Variants in PLXNC1 observed in about 807,000 individuals in gnomAD.
The protein encoded by PLXNC1 is plexin C1.
A neutral mutation model predicts 178.2 loss-of-function variants in PLXNC1; 75 were observed. The observed-to-expected ratio is 0.42, with a 90% confidence interval of 0.35 to 0.51. The LOEUF (loss-of-function observed/expected upper bound fraction) is 0.51, where lower values mean the gene tolerates loss of function less well. PLXNC1 is among the 20% of genes least tolerant of loss of function. The pLI is 0.02. For missense variants in PLXNC1, 1,503 were observed against 1,984.4 expected, an observed-to-expected ratio of 0.76 and a Z score of 4.61; for synonymous variants, 790 against 779.9, an observed-to-expected ratio of 1.01 and a Z score of -0.22.
In PLXNC1 at chr12:94,251,448, T is replaced by C; in HGVS notation, c.2801T>C (p.Leu934Pro). ...KVRVKLGNLE[L>P]YVEQESVPST... ...CAGGTCAAGCTGGGAAACCTGGAGC[T>C]CTACGTCGAGCAGGAGTCAGTTCCT... is the stretch of plus-strand genomic sequence containing the variant. Residue 934 changes from leucine (L) to proline (P), a missense_variant, in exon 15 of 31, where the codon CTC becomes CCC. Around this residue, in one of 4 missense-constraint regions of PLXNC1, gnomAD observed 639 missense variants for 979.7 expected, o/e 0.65. Transcript: ENST00000258526. 1 of 1,612,586 alleles carries C rather than the reference T, an allele frequency of 6.2e-7. No homozygotes were observed. The highest frequency in any genetic ancestry group is 8.5e-7 in the Non-Finnish European group (1 of 1,178,498).
chr12:94,166,921 A>G (rs1173254939), intron 1 of PLXNC1, among the ~76,000 whole-genome samples: 3 of 152,070 alleles, frequency 2.0e-5, no homozygotes, highest in Non-Finnish European at 4.4e-5. Flanking sequence ...TGTGTGCCAC[A>G]CATCTGGCTG....
chr12:94,200,808 A>C (rs1232658797), intron 4 of PLXNC1, among the ~76,000 whole-genome samples: 2 of 152,228 alleles, frequency 1.3e-5, no homozygotes, highest in Non-Finnish European at 2.9e-5. Flanking sequence ...CACATGGAGC[A>C]AAGGCCACAA....
At chr12:94,296,232 C>T (rs1435898646) in intron 24 of PLXNC1, among the ~76,000 whole-genome samples, 4 of 152,190 alleles carry the variant, frequency 2.6e-5, no homozygotes, top group Admixed American at 6.5e-5. Flanking sequence ...ACAATCATGG[C>T]TCACTGAAGC....
At chr12:94,288,254 T>C (rs193048391) in intron 23 of PLXNC1, among the ~76,000 whole-genome samples, 1 of 152,350 alleles carries the variant, frequency 6.6e-6, no homozygotes, top group Admixed American at 6.5e-5. Flanking sequence ...ACTTCTACTT[T>C]AACCCTCTTT....
intron 1 of PLXNC1, among the ~76,000 whole-genome samples, chr12:94,162,533 T>C (rs1343997036): frequency 6.6e-6 from 1 of 152,100 alleles, no homozygotes; most frequent in Non-Finnish European, 1.5e-5. Context: ...TTTTAAAAGA[T>C]CACTTTGGCT....
chr12:94,237,155 G>GT (rs367962880), intron 9 of PLXNC1, among the ~76,000 whole-genome samples: 5 of 152,256 alleles, frequency 3.3e-5, no homozygotes, highest in African/African-American at 7.2e-5. Context: ...ATTTCTTGAG[G>GT]TTTTTCCCCC....
intron 9 of PLXNC1, 83 bp downstream of exon 9, chr12:94,227,318 T>TA (rs748813050): frequency 9.3e-5 from 72 of 773,646 alleles, no homozygotes; most frequent in Non-Finnish European, 1.4e-4. Context: ...TTGGGTTCCT[T>TA]AAAAAAATTC....
chr12:94,154,274 G>A (rs184453425), intron 1 of PLXNC1, among the ~76,000 whole-genome samples: 2 of 152,244 alleles, frequency 1.3e-5, no homozygotes, highest in East Asian at 1.9e-4. Context: ...TTCCATAGCT[G>A]GAAAATAGCA....
rs1968521655 is a variant in PLXNC1 at position 94,302,067 on chromosome 12, ACTGT to A, written c.4386+1013_4386+1016del. 2.0e-5 allele frequency among the ~76,000 whole-genome samples: 3 copies of A among 151,888 alleles called. No individual in the cohort carries two copies. The South Asian group carries it at 6.2e-4, about 32-fold the overall frequency. On this transcript the variant is annotated intron_variant, in intron 28 of 30. Coordinates refer to ENST00000258526, the MANE Select transcript of PLXNC1 (RefSeq NM_005761.3). The stretch of plus-strand genomic sequence containing the variant: ...CTTTCCTTCTAAACTTTTCCTTTTC[ACTGT>A]CTCTCAGGTAATCTTTCTAAAACAT...
rs552700584 is a variant in PLXNC1 at position 94,201,006 on chromosome 12, C to T, written c.1440-8584C>T. Reference sequence around the variant, plus strand: ...CAAGAATTTAGCCATTTTAAAATTTCCTTGTTAATCCAATTCAGCTACCTT... The same window carrying T: ...CAAGAATTTAGCCATTTTAAAATTTTCTTGTTAATCCAATTCAGCTACCTT... On this transcript the variant is annotated intron_variant, in intron 4 of 30. Transcript: ENST00000258526. Among the ~76,000 whole-genome samples, 425 of 152,284 alleles carry T rather than the reference C, an allele frequency of 2.8e-3. 2 individuals carry two copies. The highest frequency in any genetic ancestry group is 9.8e-3 in the African/African-American group (407 of 41,566).
At chr12:94,190,942 C>T (rs992959784) in intron 4 of PLXNC1, among the ~76,000 whole-genome samples, 2 of 152,224 alleles carry the variant, frequency 1.3e-5, no homozygotes, top group Non-Finnish European at 2.9e-5. Context: ...CCTGCCTACC[C>T]AGTCTTCAGT....
rs535568397 is a variant in PLXNC1 at position 94,269,965 on chromosome 12, C to G, written c.3597+4740C>G. Among the ~76,000 whole-genome samples, 402 of 152,318 alleles carry G rather than the reference C, an allele frequency of 2.6e-3. 3 individuals are homozygous for G. The highest frequency in any genetic ancestry group is 9.1e-3 in the African/African-American group (377 of 41,556). On this transcript the variant is annotated intron_variant, in intron 21 of 30. Coordinates refer to ENST00000258526, the MANE Select transcript of PLXNC1 (RefSeq NM_005761.3). ...TTTAAATGACTTTCCTCTTCATACA[C>G]TTTCTTCTCATGCCTGTAATCTTGG...
chr12:94,261,598 G>A (rs1321935011), intron 20 of PLXNC1, among the ~76,000 whole-genome samples: 5 of 152,148 alleles, frequency 3.3e-5, no homozygotes, highest in Non-Finnish European at 5.9e-5. Flanking sequence ...GAAAATAAGG[G>A]TGTCCTGTTG....
At chr12:94,298,365 G>C (rs1030565052) in intron 26 of PLXNC1, among the ~76,000 whole-genome samples, 3 of 152,198 alleles carry the variant, frequency 2.0e-5, no homozygotes, top group African/African-American at 7.2e-5. Context: ...AACTGCTAGA[G>C]ATTTCTGATA....
chr12:94,164,663 A>G (rs1266865165), intron 1 of PLXNC1, among the ~76,000 whole-genome samples: 11 of 990 alleles, frequency 0.011, no homozygotes, highest in African/African-American at 0.018. Flanking sequence ...GACTCCCTGC[A>G]CACACACACA....
intron 10 of PLXNC1, 70 bp from the exon 11 acceptor site, chr12:94,240,415 T>C: frequency 8.6e-7 from 1 of 1,169,032 alleles, no homozygotes; most frequent in Non-Finnish European, 1.2e-6. Context: ...ATTCATTTGC[T>C]GTCACCTTGG....
intron 13 of PLXNC1, 53 bp from the exon 14 acceptor site, chr12:94,248,174 C>A: frequency 6.3e-7 from 1 of 1,592,316 alleles, no homozygotes; most frequent in Non-Finnish European, 8.6e-7. Context: ...TGTTTATGCT[C>A]GTGAGTTTCT....
At chr12:94,272,161 A>G (rs1365584868) in intron 21 of PLXNC1, 1 of 152,078 alleles carries the variant, frequency 6.6e-6, no homozygotes, top group African/African-American at 2.4e-5. Context: ...GGTAATAGGC[A>G]TCATTCCCAA....
intron 21 of PLXNC1, among the ~76,000 whole-genome samples, chr12:94,269,435 G>A (rs188114090): frequency 1.3e-3 from 196 of 152,280 alleles, no homozygotes; most frequent in Middle Eastern, 3.4e-3. Context: ...GGACAATTAC[G>A]TTTAATAAAA....
Sources: allele counts gnomAD v4.1 joint callset (sites outside exome capture counted in the v4.1 genomes callset), GRCh38; gene constraint gnomAD v4.1.1; regional missense constraint gnomAD v4.1.1; transcripts MANE v1.5; gene names NCBI Gene and HGNC (gene_info 2026-07-23, HGNC 2026-07-21).